Variants in PGPEP1L observed in about 807,000 individuals in gnomAD.
PGPEP1L encodes the protein pyroglutamyl-peptidase 1-like protein.
In PGPEP1L, 7 loss-of-function variants were observed where a neutral mutation model predicts 6.0. The observed-to-expected ratio is 1.17, with a 90% CI of 0.66 to 2.19. The LOEUF (loss-of-function observed/expected upper bound fraction) is 2.19. Ranked by LOEUF, PGPEP1L falls within the 30% of genes most tolerant of loss-of-function variation. The pLI, the probability that PGPEP1L is intolerant of heterozygous loss-of-function variation, is 0.00. For missense variants in PGPEP1L, 209 were observed against 192.5 expected, an observed-to-expected ratio of 1.09 and a Z score of -0.51; for synonymous variants, 103 against 83.9, an observed-to-expected ratio of 1.23 and a Z score of -1.24.
chr15:98,984,582 C>T (rs1227326879), intron 2 of PGPEP1L, among the ~76,000 whole-genome samples: 4 of 152,080 alleles, frequency 2.6e-5, no homozygotes, highest in Non-Finnish European at 1.5e-5. Context: ...GTCAAATGAA[C>T]GTCCATGAAC....
At chr15:98,979,522 A>G (rs2017623992) in intron 2 of PGPEP1L, among the ~76,000 whole-genome samples, 2 of 152,074 alleles carry the variant, frequency 1.3e-5, no homozygotes, top group South Asian at 4.1e-4. Context: ...CCCATCAATC[A>G]ATGAGTGGAT....
chr15:98,980,512 A>C (rs1870685479), intron 2 of PGPEP1L, among the ~76,000 whole-genome samples: 1 of 152,248 alleles, frequency 6.6e-6, no homozygotes. Context: ...TCTCTCATGC[A>C]CTTGCACTCC....
At chr15:98,995,279 T>C (rs777107877) in intron 2 of PGPEP1L, among the ~76,000 whole-genome samples, 5 of 152,238 alleles carry the variant, frequency 3.3e-5, no homozygotes, top group Non-Finnish European at 7.3e-5. Flanking sequence ...TGTCTTCTAG[T>C]TCACTAATTT....
intron 2 of PGPEP1L, among the ~76,000 whole-genome samples, chr15:98,972,122 G>T (rs1032124351): frequency 1.3e-4 from 20 of 152,160 alleles, no homozygotes; most frequent in African/African-American, 4.3e-4. Context: ...GGAGGCCGAG[G>T]TGAGTGGATC....
At chr15:98,971,004 C>A in intron 3 of PGPEP1L, 32 bp downstream of exon 3, 2 of 1,611,978 alleles carry the variant, frequency 1.2e-6, no homozygotes, top group South Asian at 1.1e-5. Flanking sequence ...CATCGCCAGT[C>A]CCATGCCCCA....
At chr15:98,984,760 G>A (rs2017722294) in intron 2 of PGPEP1L, among the ~76,000 whole-genome samples, 1 of 152,172 alleles carries the variant, frequency 6.6e-6, no homozygotes. Flanking sequence ...CCCAGGAAGA[G>A]ACAGTGGTCC....
intron 2 of PGPEP1L, among the ~76,000 whole-genome samples, chr15:99,003,252 A>T (rs2018001193): frequency 6.6e-6 from 1 of 151,530 alleles, no homozygotes; most frequent in Non-Finnish European, 1.5e-5. Context: ...GGGATAATAA[A>T]AATACAATAA....
At chr15:98,995,306 T>C (rs1555472401) in intron 2 of PGPEP1L, among the ~76,000 whole-genome samples, 1 of 152,260 alleles carries the variant, frequency 6.6e-6, no homozygotes. Flanking sequence ...CATTTGTCTC[T>C]AAACTTCTAT....
intron 2 of PGPEP1L, among the ~76,000 whole-genome samples, chr15:98,975,844 G>A (rs1057245416): frequency 2.6e-5 from 4 of 152,108 alleles, no homozygotes; most frequent in African/African-American, 9.7e-5. Context: ...TCACGCTACT[G>A]CACTCCAGCT....
chr15:99,007,227 G>C (rs1268030856), intron 1 of PGPEP1L, 132 bp downstream of exon 1: 2 of 150,322 alleles, frequency 1.3e-5, no homozygotes, highest in Admixed American at 6.6e-5. Context: ...TGCCATGAGT[G>C]GGATGCAGAG....
chr15:99,005,959 C>G (rs2018051608), intron 1 of PGPEP1L, among the ~76,000 whole-genome samples: 1 of 151,912 alleles, frequency 6.6e-6, no homozygotes, highest in Admixed American at 6.6e-5. Context: ...TGCCAGAGCC[C>G]CTCATTGTGT....
chr15:98,984,557 A>G (rs2151760407), intron 2 of PGPEP1L, among the ~76,000 whole-genome samples: 1 of 152,228 alleles, frequency 6.6e-6, no homozygotes, highest in Middle Eastern at 3.4e-3. Flanking sequence ...GTCTATTTCT[A>G]TATCCGTGTA....
chr15:98,993,004 T>A (rs564515058), intron 2 of PGPEP1L, among the ~76,000 whole-genome samples: 5 of 152,184 alleles, frequency 3.3e-5, no homozygotes, highest in Non-Finnish European at 7.3e-5. Context: ...GTAAGAACCC[T>A]AGAAGAAAAC....
chr15:98,997,961 G>A (rs932247675), intron 2 of PGPEP1L: 10 of 152,314 alleles, frequency 6.6e-5, no homozygotes, highest in African/African-American at 2.4e-4. Context: ...CCAAAGACAA[G>A]CTGTTCTCCC....
intron 2 of PGPEP1L, among the ~76,000 whole-genome samples, chr15:98,978,723 TA>T (rs1292228983): frequency 6.9e-3 from 266 of 38,678 alleles, no homozygotes; most frequent in African/African-American, 0.017. Flanking sequence ...TATATATATA[TA>T]TATTTTTTTT....
chr15:98,981,964 T>C lies in PGPEP1L; in HGVS notation c.-141-10806A>G, dbSNP rs57358180. ...GACCCACAGTAACATCCGGGAAAAA[T>C]GTGGGGGTCATTCTGAAAGATCATC... is the stretch of plus-strand genomic sequence containing the variant. On this transcript the variant is annotated intron_variant, in intron 2 of 4. Transcript: ENST00000535714. Among the ~76,000 whole-genome samples the C allele has an allele frequency of 2.9e-3, 442 of 151,944 alleles. 7 individuals carry two copies. The highest frequency in any genetic ancestry group is 9.2e-3 in the African/African-American group (381 of 41,444).
At chr15:99,001,262 C>T in intron 2 of PGPEP1L, 1 of 299,640 alleles carries the variant, frequency 3.3e-6, no homozygotes, top group South Asian at 2.6e-5. Context: ...TACCACGTGG[C>T]TCAACCTTGA....
chr15:98,978,677 TTG>T (rs908471275), intron 2 of PGPEP1L, among the ~76,000 whole-genome samples: 3 of 150,330 alleles, frequency 2.0e-5, no homozygotes, highest in Admixed American at 6.6e-5. Flanking sequence ...CCCCACTTAT[TTG>T]TGTCTTTTTC....
chr15:98,979,034 T>G (rs202228863), intron 2 of PGPEP1L, among the ~76,000 whole-genome samples: 156 of 5,252 alleles, frequency 0.03, 1 homozygote, highest in Non-Finnish European at 0.053. Flanking sequence ...GGCTACAGGA[T>G]ATATATATAT....
Sources: allele counts gnomAD v4.1 joint callset (sites outside exome capture counted in the v4.1 genomes callset), GRCh38; gene constraint gnomAD v4.1.1; transcripts MANE v1.5; gene names NCBI Gene and HGNC (gene_info 2026-07-23, HGNC 2026-07-21).